Variants in GCSH observed in about 807,000 individuals in gnomAD.
GCSH encodes glycine cleavage system protein H.
A neutral mutation model predicts 21.3 loss-of-function variants in GCSH; 15 were observed. The ratio of observed to expected loss-of-function variants is 0.70; its 90% CI spans 0.47 to 1.08. The LOEUF (loss-of-function observed/expected upper bound fraction) is 1.08. Among genes scored for constraint, GCSH ranks in the 50% least tolerant of loss-of-function variants. The pLI, the probability that GCSH is intolerant of heterozygous loss-of-function variation, is 0.00. For missense variants in GCSH, 179 were observed against 217.5 expected (o/e 0.82, Z 1.11); for synonymous variants, 59 against 84.5 (o/e 0.70, Z 1.66).
At chr16:81,091,238 T>C (rs1972391595) in intron 1 of GCSH, 1 of 368,240 alleles carries the variant, frequency 2.7e-6, no homozygotes, top group South Asian at 2.0e-5. Context: ...ACAACTATAA[T>C]TTGACTAAGT....
chr16:81,094,694 T>C (rs5023849), intron 1 of GCSH, among the ~76,000 whole-genome samples: 131,870 of 152,164 alleles, frequency 0.87, 57,667 homozygotes, highest in South Asian at 0.97. Flanking sequence ...TTATCAACCA[T>C]TCCAGCTCCA....
intron 2 of GCSH, 132 bp downstream of exon 2, chr16:81,090,469 G>T (rs1972376513): frequency 1.4e-6 from 1 of 712,738 alleles, no homozygotes; most frequent in African/African-American, 1.8e-5. Flanking sequence ...CAATCCTCCT[G>T]CCTCAGCCTC....
At chr16:81,092,902 C>T (rs1340977188) in intron 1 of GCSH, among the ~76,000 whole-genome samples, 1 of 151,958 alleles carries the variant, frequency 6.6e-6, no homozygotes, top group Admixed American at 6.6e-5. Flanking sequence ...GAGGCCAAGG[C>T]AGGCGGATCA....
At chr16:81,093,081 G>A (rs1343826075) in intron 1 of GCSH, among the ~76,000 whole-genome samples, 5 of 148,868 alleles carry the variant, frequency 3.4e-5, no homozygotes, top group Admixed American at 6.7e-5. Flanking sequence ...CCAGTGAGCC[G>A]AGATTGCACC....
At chr16:81,089,226 A>C (rs1228231969) in intron 2 of GCSH, among the ~76,000 whole-genome samples, 1 of 152,242 alleles carries the variant, frequency 6.6e-6, no homozygotes, top group Non-Finnish European at 1.5e-5. Flanking sequence ...TGGGAGCAGA[A>C]GTGTTTTGGA....
rs77306784 is a variant in GCSH at position 81,082,307 on chromosome 16, C to T, written c.*559G>A. ...GCAGAGTTACTAAATGAAATATTAA[C>T]ATCAAAACAAACATGATTAACGAAG... On this transcript the variant is annotated 3_prime_UTR_variant, in exon 5 of 5. Transcript: ENST00000315467. 1 of 444,288 alleles carries T rather than the reference C, an allele frequency of 2.3e-6. No individual in the cohort carries two copies. The highest frequency in any genetic ancestry group is 7.0e-5 in the East Asian group (1 of 14,306). The allele number at this position is 444,288 out of a possible 1,614,324, so 27.5% of individuals were successfully genotyped here.
chr16:81,095,871 C>G (rs1972495185), intron 1 of GCSH, among the ~76,000 whole-genome samples: 1 of 152,168 alleles, frequency 6.6e-6, no homozygotes, highest in Non-Finnish European at 1.5e-5. Context: ...CCACCCCCGC[C>G]TCGGTGTCCC....
At chr16:81,086,682 A>C (rs1972287637) in intron 3 of GCSH, among the ~76,000 whole-genome samples, 1 of 152,228 alleles carries the variant, frequency 6.6e-6, no homozygotes, top group Non-Finnish European at 1.5e-5. Context: ...AGGAAAAAGG[A>C]ATGAAGTGGG....
In GCSH at chr16:81,095,572, T is replaced by C. The variant is rs969991786; in HGVS notation, c.148+559A>G. Among the ~76,000 whole-genome samples, 230 of 141,576 alleles carry C rather than the reference T, an allele frequency of 1.6e-3. 1 individual carries two copies. The highest frequency in any genetic ancestry group is 5.6e-3 in the African/African-American group (218 of 38,608). The allele number at this position is 141,576 out of a possible 152,430, so 92.9% of individuals were successfully genotyped here. On this transcript the variant is annotated intron_variant, in intron 1 of 4. Coordinates refer to ENST00000315467, the MANE Select transcript of GCSH (RefSeq NM_004483.5). ...TAATTTTTTGTACTTTTAGTAGAGA[T>C]GGGATTTCACCGTGTTAGCCAGGAT...
intron 2 of GCSH, among the ~76,000 whole-genome samples, chr16:81,090,377 A>G (rs111546833): frequency 0.035 from 5,282 of 151,952 alleles, 245 homozygotes; most frequent in African/African-American, 0.11. Context: ...CAACCATGCC[A>G]GGCTAATTTT....
intron 4 of GCSH, chr16:81,083,379 G>A (rs886587990): frequency 6.0e-5 from 13 of 218,154 alleles, no homozygotes; most frequent in Admixed American, 1.1e-4. Context: ...TTAGCTGGGC[G>A]TGGTGGCAGT....
intron 2 of GCSH, 40 bp from the exon 3 acceptor site, chr16:81,087,704 T>A: frequency 7.2e-7 from 1 of 1,385,020 alleles, no homozygotes. Flanking sequence ...TCTAAGAAGT[T>A]ATAACTAAAC....
Position 81,096,254 on chromosome 16 carries a change from C to T in GCSH, c.25G>A (p.Val9Met), listed in dbSNP as rs549703240. Residue 9 changes from valine to methionine, a missense_variant, in exon 1 of 5, where the codon GTG becomes ATG. Val to Met is a conservative substitution (Grantham distance 21, BLOSUM62 1). Transcript: ENST00000315467. MALRVVRS[V>M]RALLCTLRAV... ...CGCAGGGTGCAGAGCAGGGCCCGCA[C>T]GCTCCGCACCACTCGCAGCGCCATG... 15 of 1,360,370 alleles carry T rather than the reference C, an allele frequency of 1.1e-5. No homozygotes were observed. In the East Asian group the frequency reaches 4.0e-4, roughly 37 times the overall value. 84.3% of individuals were successfully genotyped at this position (1,360,370 alleles called of 1,614,324 possible).
intron 4 of GCSH, 158 bp downstream of exon 4, chr16:81,084,305 T>C (rs993072095): frequency 9.9e-6 from 7 of 703,700 alleles, no homozygotes; most frequent in Non-Finnish European, 1.8e-5. Context: ...ACTTTAAGTA[T>C]TCAACTAACC....
chr16:81,084,091 C>A, intron 4 of GCSH: 1 of 335,692 alleles, frequency 3.0e-6, no homozygotes, highest in Non-Finnish European at 5.5e-6. Flanking sequence ...GCAATTCTCC[C>A]ACCTCAGCCT....
chr16:81,082,843 T>C lies in GCSH; in HGVS notation c.*23A>G, dbSNP rs1170309597. The C allele has an allele frequency of 4.1e-6, 4 of 982,358 alleles. No individual in the cohort carries two copies. In the South Asian group the frequency reaches 5.1e-5, roughly 13 times the overall value. 60.9% of individuals were successfully genotyped at this position (982,358 alleles called of 1,614,324 possible). On this transcript the variant is annotated 3_prime_UTR_variant, in exon 5 of 5. Coordinates refer to ENST00000315467, the MANE Select transcript of GCSH (RefSeq NM_004483.5). ...TCTGCTGGCTTGCGTTATTTCATAC[T>C]AGTTTATTTAGGAGTTCCATTTTCA...
At chr16:81,090,828 T>C (rs1279633399) in intron 1 of GCSH, 148 bp from the exon 2 acceptor site, 1 of 704,538 alleles carries the variant, frequency 1.4e-6, no homozygotes, top group Non-Finnish European at 2.6e-6. Context: ...CAGGAAAGAA[T>C]GAAGATCATG....
chr16:81,094,272 T>C (rs757547150), intron 1 of GCSH, among the ~76,000 whole-genome samples: 2 of 152,236 alleles, frequency 1.3e-5, no homozygotes, highest in Non-Finnish European at 2.9e-5. Flanking sequence ...GTGAGCAATT[T>C]ATGAAAATTT....
At position 81,096,394 on chromosome 16, in the gene GCSH, G is replaced by T. The variant is rs1157774706; in HGVS notation, c.-116C>A. The T allele has an allele frequency of 1.3e-6, 1 of 786,162 alleles. No individual in the cohort carries two copies. The highest frequency in any genetic ancestry group is 1.8e-6 in the Non-Finnish European group (1 of 564,276). The allele number at this position is 786,162 out of a possible 1,614,324, so 48.7% of individuals were successfully genotyped here. A position where few individuals can be genotyped will look rare whatever the true frequency, so the allele number is the denominator to read the frequency against. On this transcript the variant is annotated 5_prime_UTR_variant, in exon 1 of 5. Transcript: ENST00000315467. ...CCGGCTGGATGGAGGCGCGGAGGCG[G>T]TGCCGCGGGGGCGGGACAGAGCCTG...
Sources: gnomAD v4.1 joint callset for allele counts (sites outside exome capture counted in the v4.1 genomes callset) on GRCh38, gnomAD v4.1.1 for gene constraint, MANE v1.5 for transcripts, NCBI Gene and HGNC (gene_info 2026-07-23, HGNC 2026-07-21) for gene names.